The following MRPL34 variants were observed in gnomAD, a reference collection of about 807,000 sequenced individuals.
MRPL34 encodes mitochondrial ribosomal protein L34, also known as large ribosomal subunit protein bL34m.
In MRPL34, 8 loss-of-function variants were observed where a neutral mutation model predicts 6.7. That is an observed-to-expected ratio of 1.20 (90% CI 0.70 to 2.16). The LOEUF (loss-of-function observed/expected upper bound fraction) is 2.16, where lower values mean the gene tolerates loss of function less well. Ranked by LOEUF, MRPL34 falls within the 30% of genes most tolerant of loss-of-function variation. The pLI, the probability that MRPL34 is intolerant of heterozygous loss-of-function variation, is 0.00. For synonymous variants in MRPL34, 59 were observed against 55.1 expected, an observed-to-expected ratio of 1.07 and a Z score of -0.31; for missense variants, 146 against 125.5, an observed-to-expected ratio of 1.16 and a Z score of -0.78.
exon 1 of MRPL34, chr19:17,292,662 T>C (rs1447311953): frequency 3.7e-6 from 6 of 1,608,848 alleles, no homozygotes; most frequent in Non-Finnish European, 5.1e-6. Context: ...GCCCAGCGGC[T>C]ACTTCTTGTC....
upstream of MRPL34, chr19:17,301,267 A>T: frequency 6.2e-7 from 1 of 1,602,984 alleles, no homozygotes. Context: ...CTCCACCTCC[A>T]GGGCGGCCGG....
Position 17,305,969 on chromosome 19 carries a change from G to A in MRPL34, c.65+12G>A, listed in dbSNP as rs2074145204. On this transcript the variant is annotated intron_variant, in intron 1 of 1. Transcript: ENST00000252602. ...TTGCTGGGTGGCAGGTAAGTCCTCA[G>A]GGGGACCCTTCCCCAAATCAGGGAA... 6.2e-7 allele frequency: 1 copy of A among 1,613,996 alleles called. No homozygotes were observed. Among genetic ancestry groups the A allele is most frequent in the South Asian group, 1.1e-5 (1 of 91,078 alleles).
Position 17,305,958 on chromosome 19 carries a change from G to C in MRPL34, c.65+1G>C. On this transcript the variant is annotated splice_donor_variant, in intron 1 of 1. Transcript: ENST00000252602. LOFTEE classifies it high-confidence loss of function. ...GGTCGGCAGCGTTGCTGGGTGGCAG[G>C]TAAGTCCTCAGGGGGACCCTTCCCC... 1 of 1,614,152 alleles carries C rather than the reference G, an allele frequency of 6.2e-7. No homozygotes were observed. Among genetic ancestry groups the C allele is most frequent in the Non-Finnish European group, 8.5e-7 (1 of 1,180,022 alleles).
upstream of MRPL34, among the ~76,000 whole-genome samples, chr19:17,301,795 T>TGG (rs1201386521): frequency 4.6e-5 from 7 of 151,674 alleles, no homozygotes; most frequent in Non-Finnish European, 1.0e-4. Flanking sequence ...TGTGTGTGTG[T>TGG]GTGTGTGTGT....
chr19:17,294,601 C>A lies in MRPL34; in HGVS notation c.214+1747C>A. 3.7e-6 allele frequency: 6 copies of A among 1,606,512 alleles called. No individual in the cohort carries two copies. In the South Asian group the frequency reaches 4.4e-5, roughly 12 times the overall value. On this transcript the variant is annotated intron_variant, in intron 1 of 2. Coordinates refer to the MRPL34 transcript ENST00000595444. ...CCCTAGTCCCAGCGGTACAGTCCCC[C>A]CTCCCATCCAACTCGAGCAGATGCC...
chr19:17,304,993 C>A (rs1317019582), upstream of MRPL34, among the ~76,000 whole-genome samples: 1 of 152,060 alleles, frequency 6.6e-6, no homozygotes, highest in African/African-American at 2.4e-5. Context: ...CTCAGCCTCC[C>A]AAAATGCTGG....
chr19:17,292,810 T>A, exon 1 of MRPL34: 1 of 1,612,720 alleles, frequency 6.2e-7, no homozygotes. Context: ...TCGATGAGCT[T>A]CAGGAATGCC....
chr19:17,292,678 G>C, exon 1 of MRPL34: 1 of 1,611,412 alleles, frequency 6.2e-7, no homozygotes, highest in East Asian at 2.2e-5. Context: ...TTGTCTTCTG[G>C]AGGCGCCGGC....
upstream of MRPL34, chr19:17,300,753 C>A: frequency 7.1e-7 from 1 of 1,403,786 alleles, no homozygotes; most frequent in Non-Finnish European, 9.6e-7. Context: ...GCTGGGATTA[C>A]AGGCGTGAGC....
chr19:17,294,719 G>T, intron 1 of MRPL34: 1 of 1,614,168 alleles, frequency 6.2e-7, no homozygotes, highest in Non-Finnish European at 8.5e-7. Flanking sequence ...AGTGCAGGAC[G>T]CAGGTGGGCA....
chr19:17,301,794 G>GTGTGTGTA (rs1350575632), upstream of MRPL34, among the ~76,000 whole-genome samples: 2 of 151,838 alleles, frequency 1.3e-5, no homozygotes, highest in African/African-American at 4.8e-5. Context: ...GTGTGTGTGT[G>GTGTGTGTA]TGTGTGTGTG....
upstream of MRPL34, among the ~76,000 whole-genome samples, chr19:17,301,856 G>A (rs2074121592): frequency 6.6e-6 from 1 of 151,842 alleles, no homozygotes; most frequent in Non-Finnish European, 1.5e-5. Flanking sequence ...GGCAGTGGCC[G>A]GATTTCGGCT....
In MRPL34 at chr19:17,294,533, C is replaced by T. The variant is rs77887041; in HGVS notation, c.214+1679C>T. 1.4e-4 allele frequency: 228 copies of T among 1,613,128 alleles called. 1 individual carries two copies. The African/African-American group carries it at 2.7e-3, about 19-fold the overall frequency. ...GTGGTGGTGGAGGCACCGCTAGAGC[C>T]CCTTATGCCAGCCCGACTGCCGTGG... On this transcript the variant is annotated intron_variant, in intron 1 of 2. Transcript: ENST00000595444.
chr19:17,296,855 C>T (rs545157995), intron 1 of MRPL34, among the ~76,000 whole-genome samples: 15 of 152,044 alleles, frequency 9.9e-5, no homozygotes, highest in East Asian at 1.9e-4. Context: ...CCATTATGCC[C>T]GGCTAATTTT....
chr19:17,301,271 C>A, upstream of MRPL34: 1 of 1,603,150 alleles, frequency 6.2e-7, no homozygotes, highest in Non-Finnish European at 8.5e-7. Context: ...ACCTCCAGGG[C>A]GGCCGGCGGC....
intron 1 of MRPL34, among the ~76,000 whole-genome samples, chr19:17,295,333 C>T (rs775831919): frequency 6.6e-6 from 1 of 152,048 alleles, no homozygotes; most frequent in Non-Finnish European, 1.5e-5. Context: ...TCTCAAATTC[C>T]TGACCTCAAG....
chr19:17,300,690 C>T (rs2074113222), upstream of MRPL34, among the ~76,000 whole-genome samples: 1 of 152,100 alleles, frequency 6.6e-6, no homozygotes, highest in East Asian at 1.9e-4. Flanking sequence ...CTTGGCCAGA[C>T]TGTTCCCGAA....
upstream of MRPL34, chr19:17,301,315 G>T: frequency 6.2e-7 from 1 of 1,607,192 alleles, no homozygotes; most frequent in Non-Finnish European, 8.5e-7. Flanking sequence ...TAGGAGGTCG[G>T]CTCGAGGGGC....
upstream of MRPL34, chr19:17,305,757 C>T (rs780036716): frequency 2.7e-5 from 25 of 917,564 alleles, no homozygotes; most frequent in African/African-American, 4.1e-4. Flanking sequence ...AGAACTACAA[C>T]TTCAGGGTTT....
Sources: allele counts gnomAD v4.1 joint callset (sites outside exome capture counted in the v4.1 genomes callset), GRCh38; gene constraint gnomAD v4.1.1; transcripts MANE v1.5; gene names NCBI Gene and HGNC (gene_info 2026-07-23, HGNC 2026-07-21).